Variants in MUC4 observed in about 807,000 individuals in gnomAD.
MUC4 encodes mucin-4.
A neutral mutation model predicts 257.9 loss-of-function variants in MUC4; 202 were observed. The observed-to-expected ratio is 0.78, with a 90% CI of 0.70 to 0.88. The LOEUF is 0.88. MUC4 is among the 40% of genes least tolerant of loss of function. The pLI is 0.00. For missense variants in MUC4, 5,976 were observed against 6,513.7 expected, an observed-to-expected ratio of 0.92 and a Z score of 2.84; for synonymous variants, 2,351 against 2,757.1, an observed-to-expected ratio of 0.85 and a Z score of 4.62.
chr3:195,798,637 G>C (rs1734877451), intron 1 of MUC4, among the ~76,000 whole-genome samples: 4 of 152,122 alleles, frequency 2.6e-5, no homozygotes, highest in Admixed American at 2.6e-4. Context: ...CCGGGAGGCG[G>C]AGCTTGCAGT....
intron 7 of MUC4, 44 bp downstream of exon 7, chr3:195,768,978 C>A: frequency 3.1e-6 from 5 of 1,590,152 alleles, no homozygotes; most frequent in Non-Finnish European, 4.3e-6. Flanking sequence ...ACTCTACACC[C>A]CTCCCTGCCA....
At position 195,762,156 on chromosome 3, in the gene MUC4, G is replaced by T; in HGVS notation, c.14443C>A (p.Leu4815Ile). 1 of 1,606,746 alleles carries T rather than the reference G, an allele frequency of 6.2e-7. No homozygotes were observed. Among genetic ancestry groups the T allele is most frequent in the South Asian group, 1.1e-5 (1 of 89,882 alleles). ...DGWATVSVIA[L>I]SNILHASASL... ...GCGGAGGCGTGGAGGATGTTGGAGA[G>T]CGCGATCACCGAGACGGTGGCCCAG... The change falls in exon 14 of 25, where the codon CTC (leucine) becomes ATC (isoleucine). Residue 4815 changes from leucine to isoleucine, a missense_variant. Physicochemically the swap from Leu to Ile is conservative, Grantham distance 5. This residue lies in a region of MUC4 where 996 missense variants were observed against 1,137.3 expected (regional missense o/e 0.88). Coordinates refer to ENST00000463781, the MANE Select transcript of MUC4 (RefSeq NM_018406.7).
At chr3:195,804,604 T>C (rs2149075422) in intron 1 of MUC4, among the ~76,000 whole-genome samples, 1 of 152,310 alleles carries the variant, frequency 6.6e-6, no homozygotes, top group Non-Finnish European at 1.5e-5. Context: ...AGTGTTTCAC[T>C]TTCCTGGAGG....
chr3:195,761,947 G>T, intron 14 of MUC4, 140 bp downstream of exon 14: 1 of 1,072,290 alleles, frequency 9.3e-7, no homozygotes, highest in Non-Finnish European at 1.3e-6. Context: ...TCGGCTCCCG[G>T]CCCGCTCTGT....
intron 4 of MUC4, among the ~76,000 whole-genome samples, chr3:195,773,166 C>T (rs948196561): frequency 2.7e-5 from 4 of 148,434 alleles, no homozygotes; most frequent in Non-Finnish European, 6.0e-5. Context: ...CACCCTCTCT[C>T]CATCGCTCAG....
chr3:195,807,285 A>G (rs1027902535), intron 1 of MUC4, among the ~76,000 whole-genome samples: 3 of 152,192 alleles, frequency 2.0e-5, no homozygotes, highest in Non-Finnish European at 4.4e-5. Context: ...CCTGGCCAAC[A>G]TGGTGAAACC....
At chr3:195,793,890 TCA>T (rs1222065820) in intron 1 of MUC4, among the ~76,000 whole-genome samples, 1 of 152,168 alleles carries the variant, frequency 6.6e-6, no homozygotes, top group African/African-American at 2.4e-5. Flanking sequence ...CTTGCCCTGG[TCA>T]CAGACTACCA....
At chr3:195,797,644 G>C (rs1734730815) in intron 1 of MUC4, among the ~76,000 whole-genome samples, 2 of 152,276 alleles carry the variant, frequency 1.3e-5, no homozygotes, top group South Asian at 4.1e-4. Context: ...GGTGAAATAA[G>C]ACGAGAAAAT....
Position 195,748,015 on chromosome 3 carries a change from C to T in MUC4, c.16035-635G>A, listed in dbSNP as rs1412713468. Among the ~76,000 whole-genome samples the T allele has an allele frequency of 5.1e-4, 78 of 152,150 alleles. No homozygotes were observed. In the East Asian group the frequency reaches 9.1e-3, roughly 18 times the overall value. On this transcript the variant is annotated intron_variant, in intron 24 of 24. Coordinates refer to ENST00000463781, the MANE Select transcript of MUC4 (RefSeq NM_018406.7). ...CCCGCCCACCCGGAGAGCCGGGCCC[C>T]GCCCCACCCGCGCTCCGCCCGCCCC...
Position 195,789,422 on chromosome 3 carries a change from G to A in MUC4, c.2158C>T (p.His720Tyr). The A allele has an allele frequency of 6.2e-7, 1 of 1,613,990 alleles. No individual in the cohort carries two copies. The highest frequency in any genetic ancestry group is 8.5e-7 in the Non-Finnish European group (1 of 1,179,882). ...TTALQAAPSSHDATLGPSGGT... is the reference protein window; with the variant it reads ...TTALQAAPSSYDATLGPSGGT... ...CCTGAGGGCCCCAGGGTGGCATCAT[G>A]GCTGCTGGGTGCTGCCTGCAGTGCT... Residue 720 changes from histidine (H) to tyrosine (Y), a missense_variant, in exon 2 of 25, where the codon CAT becomes TAT. Around this residue, in one of 44 missense-constraint regions of MUC4, gnomAD observed 1,583 missense variants for 1,257.4 expected, o/e 1.26. Coordinates refer to ENST00000463781, the MANE Select transcript of MUC4 (RefSeq NM_018406.7).
intron 7 of MUC4, 85 bp from the exon 8 acceptor site, chr3:195,766,836 C>G: frequency 1.6e-6 from 2 of 1,237,210 alleles, no homozygotes; most frequent in East Asian, 2.4e-5. Flanking sequence ...TCCCGCTAGC[C>G]GGTCAGCAGC....
chr3:195,752,273 CAGATGGATGACA>C, intron 21 of MUC4, 88 bp downstream of exon 21: 1 of 1,152,694 alleles, frequency 8.7e-7, no homozygotes. Flanking sequence ...CAGTTGAATC[CAGATGGATGACA>C]AGATGAAGGC....
At chr3:195,792,628 T>C (rs574352518) in intron 1 of MUC4, among the ~76,000 whole-genome samples, 2 of 152,326 alleles carry the variant, frequency 1.3e-5, no homozygotes, top group East Asian at 3.9e-4. Context: ...ATCCCATTAC[T>C]GGGTATATGC....
At position 195,784,649 on chromosome 3, in the gene MUC4, A is replaced by G. The variant is rs1309261837; in HGVS notation, c.6931T>C (p.Ser2311Pro). The G allele has an allele frequency of 7.3e-7, 1 of 1,377,688 alleles. No homozygotes were observed. The allele number at this position is 1,377,688 out of a possible 1,614,324, so 85.3% of individuals were successfully genotyped here. A position where few individuals can be genotyped will look rare whatever the true frequency, so the allele number is the denominator to read the frequency against. ...GTGGCGTGACCTGTGGATGCTGAGG[A>G]AGCGTCGGTGACATGAAGAGGGGTG... The part of the protein sequence containing the change: ...HATPLHVTDA[S>P]SASTGHATPL... The change falls in exon 2 of 25, where the codon TCC becomes CCC. Residue 2311 changes from serine to proline, a missense_variant. By Grantham distance (74) the Ser-to-Pro change is moderately conservative. Transcript: ENST00000463781.
intron 1 of MUC4, among the ~76,000 whole-genome samples, chr3:195,808,697 C>G (rs887752112): frequency 6.6e-6 from 1 of 152,242 alleles, no homozygotes; most frequent in East Asian, 1.9e-4. Flanking sequence ...TCAGCCCCTG[C>G]TCTTCCCTGT....
intron 3 of MUC4, among the ~76,000 whole-genome samples, chr3:195,775,080 T>C (rs528585000): frequency 6.6e-6 from 1 of 152,002 alleles, no homozygotes; most frequent in Admixed American, 6.5e-5. Flanking sequence ...AGAAACCTTG[T>C]CCCAAATATT....
At chr3:195,754,076 T>C in intron 19 of MUC4, 137 bp downstream of exon 19, 1 of 1,230,542 alleles carries the variant, frequency 8.1e-7, no homozygotes, top group Non-Finnish European at 1.1e-6. Flanking sequence ...CTGCCTAGAT[T>C]TCCCACACCT....
chr3:195,753,167 C>T lies in MUC4; in HGVS notation c.15392G>A (p.Gly5131Asp). 6.2e-7 allele frequency: 1 copy of T among 1,613,660 alleles called. No individual in the cohort carries two copies. The highest frequency in any genetic ancestry group is 8.5e-7 in the Non-Finnish European group (1 of 1,179,782). ...SCPVNYCYNQ[G>D]HCYISQTLGC... ...CAGAGTCTGGGAGATGTAGCAGTGGCCTTGATTGTAGCAGTAATTCACAGG... is the reference window on the plus strand; with the variant it reads ...CAGAGTCTGGGAGATGTAGCAGTGGTCTTGATTGTAGCAGTAATTCACAGG... Residue 5131 changes from glycine (G) to aspartate (D), a missense_variant, in exon 20 of 25, where the codon GGC (glycine) becomes GAC (aspartate). Gly to Asp is a moderately conservative substitution (Grantham distance 94). Around this residue, in one of 44 missense-constraint regions of MUC4, gnomAD observed 996 missense variants for 1,137.3 expected, o/e 0.88. Transcript: ENST00000463781.
At position 195,746,885 on chromosome 3, in the gene MUC4, CGTGT is replaced by C. The variant is rs71180950; in HGVS notation, c.*287_*290del. The C allele has an allele frequency of 6.5e-4, 317 of 485,366 alleles. No homozygotes were observed. The highest frequency in any genetic ancestry group is 1.0e-3 in the African/African-American group (53 of 51,002). The allele number at this position is 485,366 out of a possible 1,614,324, so 30.1% of individuals were successfully genotyped here. On this transcript the variant is annotated 3_prime_UTR_variant, in exon 25 of 25. Coordinates refer to ENST00000463781, the MANE Select transcript of MUC4 (RefSeq NM_018406.7). The stretch of plus-strand genomic sequence containing the variant: ...TAGGGCCATCACCACATTATGAACT[CGTGT>C]GTGTGTGTGTGTGTGTGCACGCGCG...
Sources: allele counts gnomAD v4.1 joint callset (sites outside exome capture counted in the v4.1 genomes callset), GRCh38; gene constraint gnomAD v4.1.1; regional missense constraint gnomAD v4.1.1; transcripts MANE v1.5; gene names NCBI Gene and HGNC (gene_info 2026-07-23, HGNC 2026-07-21).